The following TDP1 variants were observed in gnomAD, a reference collection of about 807,000 sequenced individuals.
TDP1 encodes tyr-DNA phosphodiesterase 1.
A neutral mutation model predicts 81.5 loss-of-function variants in TDP1; 64 were observed. The observed-to-expected ratio is 0.79, with a 90% CI of 0.64 to 0.97. The LOEUF is 0.97. Ranked by LOEUF, TDP1 falls within the 50% of genes least tolerant of loss-of-function variation. TDP1 has a pLI of 0.00. For missense variants in TDP1, 723 were observed against 743.8 expected, an observed-to-expected ratio of 0.97 and a Z score of 0.33; for synonymous variants, 256 against 264.3, an observed-to-expected ratio of 0.97 and a Z score of 0.30.
At chr14:90,016,992 CCCAGT>C (rs1458714375) in intron 14 of TDP1, among the ~76,000 whole-genome samples, 5 of 152,102 alleles carry the variant, frequency 3.3e-5, no homozygotes, top group African/African-American at 4.8e-5. Flanking sequence ...GAGAAAGCAG[CCCAGT>C]CCAGTAGAAA....
chr14:89,984,319 A>G, intron 8 of TDP1, 197 bp from the exon 9 acceptor site: 2 of 985,416 alleles, frequency 2.0e-6, no homozygotes, highest in Non-Finnish European at 2.4e-6. Flanking sequence ...ATGGCAAGAC[A>G]TTCAGGAATA....
chr14:90,019,332 G>A lies in TDP1; in HGVS notation c.1558G>A (p.Ala520Thr). 1.9e-6 allele frequency: 3 copies of A among 1,611,150 alleles called. No homozygotes were observed. Among genetic ancestry groups the A allele is most frequent in the Admixed American group, 3.3e-5 (2 of 60,012 alleles). Residue 520 changes from alanine (A) to threonine (T), a missense_variant, in exon 15 of 17, where the codon GCT (alanine) becomes ACT (threonine). By Grantham distance (58) the Ala-to-Thr change is moderately conservative (BLOSUM62 0). Transcript: ENST00000335725. ...TCTCTGCAGCGCAAATCTGTCCAAG[G>A]CTGCCTGGGGAGCATTGGAGAAGAA... ...FLVTSANLSK[A>T]AWGALEKNGT...
intron 14 of TDP1, chr14:90,018,994 G>A: frequency 1.0e-6 from 1 of 982,540 alleles, no homozygotes; most frequent in Non-Finnish European, 1.2e-6. Flanking sequence ...AGAAATCCTG[G>A]CTACTCCAGG....
intron 2 of TDP1, among the ~76,000 whole-genome samples, chr14:89,958,794 C>G (rs748056967): frequency 5.9e-5 from 9 of 152,230 alleles, no homozygotes; most frequent in Non-Finnish European, 7.3e-5. Flanking sequence ...TGGGGCCCTG[C>G]CCCTATCTGC....
chr14:90,017,754 C>T (rs947168367), intron 14 of TDP1, among the ~76,000 whole-genome samples: 1 of 152,198 alleles, frequency 6.6e-6, no homozygotes, highest in Non-Finnish European at 1.5e-5. Context: ...ACCTGTTTTA[C>T]TAACAGGTGA....
intron 15 of TDP1, among the ~76,000 whole-genome samples, chr14:90,029,498 CTTTTT>C (rs551041373): frequency 6.5e-5 from 8 of 122,800 alleles, no homozygotes; most frequent in Admixed American, 1.6e-4. Flanking sequence ...CGCACCCGGC[CTTTTT>C]TTTTTTTTTT....
chr14:89,958,159 A>C (rs550641454), intron 2 of TDP1: 1 of 152,338 alleles, frequency 6.6e-6, no homozygotes, highest in South Asian at 2.1e-4. Flanking sequence ...GTGCCCAAAC[A>C]CTTGGAGACA....
chr14:90,026,462 C>A (rs1259624608), intron 15 of TDP1, among the ~76,000 whole-genome samples: 1 of 152,118 alleles, frequency 6.6e-6, no homozygotes, highest in Non-Finnish European at 1.5e-5. Context: ...AATTTATTTT[C>A]TTTTTTTTAT....
At chr14:90,002,872 C>CA (rs925771741) in intron 14 of TDP1, among the ~76,000 whole-genome samples, 1 of 151,704 alleles carries the variant, frequency 6.6e-6, no homozygotes, top group African/African-American at 2.4e-5. Flanking sequence ...GACCCTGTCT[C>CA]AAAAAAAGAA....
chr14:89,983,146 G>A (rs1263652563), intron 8 of TDP1: 1 of 455,974 alleles, frequency 2.2e-6, no homozygotes. Context: ...TGATCCAGGA[G>A]GAGCCTCACT....
In TDP1 at chr14:90,013,477, C is replaced by T. The variant is rs183530300; in HGVS notation, c.1542-5839C>T. Among the ~76,000 whole-genome samples, 107 of 152,256 alleles carry T rather than the reference C, an allele frequency of 7.0e-4. 1 individual carries two copies. The Middle Eastern group carries it at 0.01, about 15-fold the overall frequency. On this transcript the variant is annotated intron_variant, in intron 14 of 16. Coordinates refer to ENST00000335725, the MANE Select transcript of TDP1 (RefSeq NM_018319.4). ...TCCCTGCACACGCTCTCTTGCCTGC[C>T]GCCATGTAAGATGTGCCTTTGCTCC...
chr14:89,957,607 A>G lies in TDP1; in HGVS notation c.-8+807A>G, dbSNP rs545891602. On this transcript the variant is annotated intron_variant, in intron 2 of 16. Transcript: ENST00000335725. Reference sequence around the variant, plus strand: ...GCTGGAGGTGAAAGAGAAATGCCCCAGCTGGGTCTCATATAGTGGGGAGTG... The same window carrying G: ...GCTGGAGGTGAAAGAGAAATGCCCCGGCTGGGTCTCATATAGTGGGGAGTG... Among the ~76,000 whole-genome samples the G allele has an allele frequency of 1.3e-4, 20 of 152,330 alleles. No individual in the cohort carries two copies. The East Asian group carries it at 3.9e-3, about 29-fold the overall frequency.
At chr14:90,039,743 T>G (rs1275371857) in intron 16 of TDP1, among the ~76,000 whole-genome samples, 1 of 152,104 alleles carries the variant, frequency 6.6e-6, no homozygotes, top group Non-Finnish European at 1.5e-5. Flanking sequence ...CTCTGTGAGT[T>G]GAGGGAGGTG....
chr14:90,012,615 AG>A (rs1884841463), intron 14 of TDP1, among the ~76,000 whole-genome samples: 1 of 151,958 alleles, frequency 6.6e-6, no homozygotes, highest in African/African-American at 2.4e-5. Context: ...GGTGTGCTGC[AG>A]GGGTGGAGCC....
At chr14:89,979,598 C>G (rs113053120) in intron 7 of TDP1, among the ~76,000 whole-genome samples, 4,685 of 152,188 alleles carry the variant, frequency 0.031, 111 homozygotes, top group African/African-American at 0.067. Context: ...CATGAGCCAC[C>G]GTGCCTGGCA....
intron 2 of TDP1, among the ~76,000 whole-genome samples, chr14:89,961,842 A>G (rs768112800): frequency 1.9e-4 from 29 of 152,324 alleles, no homozygotes; most frequent in Admixed American, 5.2e-4. Context: ...ACTCCACTCA[A>G]TGCATCTTTT....
rs993159203 is a variant in TDP1, at chr14:89,955,946, C to G, written c.-255C>G. The G allele has an allele frequency of 6.6e-6, 1 of 152,368 alleles. No individual in the cohort carries two copies. The highest frequency in any genetic ancestry group is 6.5e-5 in the Admixed American group (1 of 15,292). 9.4% of individuals were successfully genotyped at this position (152,368 alleles called of 1,614,324 possible). ...GCCGCCGAAGGGGCGGGATCCGAGG[C>G]AAGCGTTGGTTCTGTGCGCCTCAGG... is the stretch of plus-strand genomic sequence containing the variant. On this transcript the variant is annotated 5_prime_UTR_variant, in exon 1 of 17. Coordinates refer to ENST00000335725, the MANE Select transcript of TDP1 (RefSeq NM_018319.4).
Position 89,963,406 on chromosome 14 carries a change from C to G in TDP1, c.292C>G (p.Pro98Ala). The G allele has an allele frequency of 6.2e-7, 1 of 1,614,106 alleles. No homozygotes were observed. Among genetic ancestry groups the G allele is most frequent in the Non-Finnish European group, 8.5e-7 (1 of 1,180,004 alleles). ...CLSSSDDELQ[P>A]EMPQKQAEKV... ...GTCCAGCAGTGATGATGAGCTGCAA[C>G]CAGAAATGCCGCAGAAGCAGGCTGA... The change falls in exon 3 of 17, where the codon CCA becomes GCA. Residue 98 changes from proline (P) to alanine (A), a missense_variant. Coordinates refer to ENST00000335725, the MANE Select transcript of TDP1 (RefSeq NM_018319.4).
chr14:90,002,191 G>A (rs904200732), intron 14 of TDP1, among the ~76,000 whole-genome samples: 1 of 152,136 alleles, frequency 6.6e-6, no homozygotes, highest in African/African-American at 2.4e-5. Flanking sequence ...GGGTTTAATA[G>A]CTGTAACCCA....
Sources: allele counts gnomAD v4.1 joint callset (sites outside exome capture counted in the v4.1 genomes callset), GRCh38; gene constraint gnomAD v4.1.1; transcripts MANE v1.5; gene names NCBI Gene and HGNC (gene_info 2026-07-23, HGNC 2026-07-21).